Variants in ARHGEF7 observed in about 807,000 individuals in gnomAD.
The protein encoded by ARHGEF7 is Rho guanine nucleotide exchange factor 7.
ARHGEF7 carries 33 observed loss-of-function variants against 109.8 expected under a neutral mutation model. The ratio of observed to expected loss-of-function variants is 0.30; its 90% CI spans 0.23 to 0.40. ARHGEF7 has a LOEUF of 0.40. Among genes scored for constraint, ARHGEF7 ranks in the 10% least tolerant of loss-of-function variants. The probability of loss-of-function intolerance (pLI) is 1.00; values close to 1 mark genes in which losing one functional copy is unlikely to be tolerated. For missense variants in ARHGEF7, 938 were observed against 1,098.5 expected (o/e 0.85, Z 2.07); for synonymous variants, 458 against 424.6 (o/e 1.08, Z -0.97).
chr13:111,218,136 T>C (rs1482047049), intron 5 of ARHGEF7, among the ~76,000 whole-genome samples: 3 of 152,220 alleles, frequency 2.0e-5, no homozygotes. Flanking sequence ...CTCGAATCTT[T>C]ATCATTGCAG....
intron 1 of ARHGEF7, among the ~76,000 whole-genome samples, chr13:111,134,105 C>G (rs2074965509): frequency 6.6e-6 from 1 of 151,948 alleles, no homozygotes; most frequent in Admixed American, 6.6e-5. Context: ...ATCCATGTCC[C>G]TACAAAGGAC....
intron 19 of ARHGEF7, chr13:111,293,734 G>A: frequency 1.0e-6 from 1 of 985,348 alleles, no homozygotes; most frequent in Non-Finnish European, 1.2e-6. Context: ...CCTTCTTCAG[G>A]GTGGCTGTAA....
chr13:111,171,220 A>C (rs2077568899), intron 2 of ARHGEF7, among the ~76,000 whole-genome samples: 1 of 152,140 alleles, frequency 6.6e-6, no homozygotes, highest in South Asian at 2.1e-4. Context: ...TTTCCACAGC[A>C]TTTTGTTTGT....
chr13:111,212,188 A>G (rs1355818392), intron 4 of ARHGEF7, among the ~76,000 whole-genome samples: 1 of 152,114 alleles, frequency 6.6e-6, no homozygotes, highest in African/African-American at 2.4e-5. Context: ...GAACAGTTTG[A>G]TGTTGCGTTT....
rs1479255303 is a variant in ARHGEF7 at position 111,273,252 on chromosome 13, G to T, written c.1074-562G>T. 6.6e-6 allele frequency among the ~76,000 whole-genome samples: 1 copy of T among 152,184 alleles called. No individual in the cohort carries two copies. The highest frequency in any genetic ancestry group is 6.5e-5 in the Admixed American group (1 of 15,282). On this transcript the variant is annotated intron_variant, in intron 9 of 21. Coordinates refer to ENST00000646102, the MANE Select transcript of ARHGEF7 (RefSeq NM_001354046.2). The surrounding 1 kb of genome is among the most constrained non-coding windows in gnomAD (Gnocchi z 4.5). ...AACTTAAAGCTTTTGAAGTTCTGAAGCCTAAATCAGCGTTTGCTCTCTTCT... is the reference window on the plus strand; with the variant it reads ...AACTTAAAGCTTTTGAAGTTCTGAATCCTAAATCAGCGTTTGCTCTCTTCT...
At chr13:111,192,267 G>T (rs1322441649) in intron 2 of ARHGEF7, among the ~76,000 whole-genome samples, 4 of 152,134 alleles carry the variant, frequency 2.6e-5, no homozygotes, top group Admixed American at 2.0e-4. Flanking sequence ...TGCAGTGGGG[G>T]TAGAGAGGAT....
rs781626132 is a variant in ARHGEF7, at chr13:111,292,192, C to T, written c.2209C>T (p.Arg737Cys). Residue 737 changes from arginine (R) to cysteine (C), a missense_variant, in exon 19 of 22, where the codon CGT becomes TGT. By Grantham distance (180) the Arg-to-Cys change is radical (BLOSUM62 -3). Coordinates refer to ENST00000646102, the MANE Select transcript of ARHGEF7 (RefSeq NM_001354046.2). ...CCAACCAAGCCTAGACTCCCTGGGG[C>T]GTCGCAGTAGCCTTTCTCGTTTGGA... ...DDQPSLDSLG[R>C]RSSLSRLEPS... is the part of the protein sequence containing the mutation. The T allele has an allele frequency of 1.4e-5, 23 of 1,614,050 alleles. No homozygotes were observed. The highest frequency in any genetic ancestry group is 1.9e-5 in the Non-Finnish European group (23 of 1,180,030).
intron 2 of ARHGEF7, chr13:111,159,116 A>G (rs372969809): frequency 2.8e-6 from 2 of 717,350 alleles, no homozygotes; most frequent in African/African-American, 1.7e-5. Flanking sequence ...TACACTTTAC[A>G]TATAGGTGAG....
intron 6 of ARHGEF7, chr13:111,241,366 G>A: frequency 1.3e-6 from 2 of 1,535,488 alleles, no homozygotes; most frequent in Non-Finnish European, 1.7e-6. Context: ...GCGCCCCGAG[G>A]TCAGGAAGGC....
chr13:111,257,694 C>T (rs1595253760), intron 8 of ARHGEF7, among the ~76,000 whole-genome samples: 2 of 152,378 alleles, frequency 1.3e-5, no homozygotes, highest in East Asian at 3.9e-4. Flanking sequence ...GTAGGAAAGA[C>T]AGTCTTAAAT....
At chr13:111,276,611 C>T (rs768317291) in intron 12 of ARHGEF7, among the ~76,000 whole-genome samples, 10 of 152,162 alleles carry the variant, frequency 6.6e-5, no homozygotes, top group Non-Finnish European at 1.0e-4. Context: ...GTTCTGATCA[C>T]GACTGAACGT....
intron 2 of ARHGEF7, among the ~76,000 whole-genome samples, chr13:111,164,411 G>T (rs1443811820): frequency 2.6e-5 from 4 of 152,210 alleles, no homozygotes; most frequent in Non-Finnish European, 2.9e-5. Flanking sequence ...TCCTGGCAAG[G>T]CCCATGGGCA....
chr13:111,147,960 G>A (rs2075695703), intron 1 of ARHGEF7, among the ~76,000 whole-genome samples: 1 of 152,118 alleles, frequency 6.6e-6, no homozygotes, highest in African/African-American at 2.4e-5. Flanking sequence ...GCCTCCCAAA[G>A]TGCTGGGATT....
chr13:111,186,897 C>A, intron 2 of ARHGEF7: 1 of 985,514 alleles, frequency 1.0e-6, no homozygotes, highest in East Asian at 1.1e-4. Context: ...CTACTTCTTT[C>A]CCCATTTCCC....
chr13:111,221,632 G>A (rs1337126951), intron 5 of ARHGEF7, among the ~76,000 whole-genome samples: 3 of 99,092 alleles, frequency 3.0e-5, no homozygotes, highest in South Asian at 3.7e-4. Flanking sequence ...ATATATATAT[G>A]TATCTCCCCT....
intron 9 of ARHGEF7, among the ~76,000 whole-genome samples, chr13:111,270,400 G>GT (rs2092041571): frequency 6.6e-6 from 1 of 151,076 alleles, no homozygotes; most frequent in Admixed American, 6.6e-5. Flanking sequence ...TAGCTGTTTT[G>GT]TTTTATTATG....
chr13:111,194,074 G>A (rs1566775013), intron 2 of ARHGEF7, among the ~76,000 whole-genome samples: 2 of 152,256 alleles, frequency 1.3e-5, no homozygotes, highest in East Asian at 3.9e-4. Context: ...AGCCTCTGAC[G>A]CTAAGACGGC....
chr13:111,167,515 T>C (rs1000672969), intron 2 of ARHGEF7, among the ~76,000 whole-genome samples: 1 of 152,208 alleles, frequency 6.6e-6, no homozygotes, highest in African/African-American at 2.4e-5. Context: ...AGGGTGTAGC[T>C]CTTTGTATCA....
intron 11 of ARHGEF7, 139 bp downstream of exon 11, chr13:111,274,929 G>A (rs1484154925): frequency 5.9e-6 from 3 of 505,576 alleles, no homozygotes; most frequent in Admixed American, 8.0e-5. Flanking sequence ...GGCATTCTGT[G>A]GCTGGTAAAC....
Sources: allele counts gnomAD v4.1 joint callset (sites outside exome capture counted in the v4.1 genomes callset), GRCh38; gene constraint gnomAD v4.1.1; non-coding constraint Gnocchi (gnomAD v3.1); transcripts MANE v1.5; gene names NCBI Gene and HGNC (gene_info 2026-07-23, HGNC 2026-07-21).